The following TRPS1 variants were observed in gnomAD, a reference collection of about 807,000 sequenced individuals.
TRPS1 encodes zinc finger transcription factor Trps1.
TRPS1 carries 6 observed loss-of-function variants against 101.2 expected under a neutral mutation model. That is an observed-to-expected ratio of 0.06 (90% CI 0.03 to 0.12). The LOEUF (loss-of-function observed/expected upper bound fraction) is 0.12, where lower values mean the gene tolerates loss of function less well. Ranked by LOEUF, TRPS1 falls within the 10% of genes least tolerant of loss-of-function variation. TRPS1 has a pLI of 1.00. For synonymous variants in TRPS1, 578 were observed against 589.8 expected (o/e 0.98, Z 0.29); for missense variants, 1,363 against 1,567.0 (o/e 0.87, Z 2.20).
intron 4 of TRPS1, among the ~76,000 whole-genome samples, chr8:115,597,441 T>C (rs1817812316): frequency 6.6e-6 from 1 of 152,052 alleles, no homozygotes; most frequent in Admixed American, 6.6e-5. Flanking sequence ...AGATGTTCTA[T>C]GAGATACTGT....
At chr8:115,625,176 T>C (rs1306999450) in intron 1 of TRPS1, among the ~76,000 whole-genome samples, 1 of 151,892 alleles carries the variant, frequency 6.6e-6, no homozygotes, top group Non-Finnish European at 1.5e-5. Flanking sequence ...AATTCTATAT[T>C]CTTTGTAGTA....
At position 115,599,371 on chromosome 8, in the gene TRPS1, G is replaced by A. The variant is rs140723065; in HGVS notation, c.2096+4502C>T. Among the ~76,000 whole-genome samples, 513 of 151,950 alleles carry A rather than the reference G, an allele frequency of 3.4e-3. 8 individuals are homozygous for A. The highest frequency in any genetic ancestry group is 0.012 in the African/African-American group (494 of 41,412). On this transcript the variant is annotated intron_variant, in intron 4 of 6. Transcript: ENST00000395715. ...AAGTTTTGGGGTACATGTGCAGACC[G>A]TGCAGGTTTGTTACACAGGTATACA... is the stretch of plus-strand genomic sequence containing the variant.
At chr8:115,467,869 T>C (rs1157331779) in intron 5 of TRPS1, among the ~76,000 whole-genome samples, 1 of 152,126 alleles carries the variant, frequency 6.6e-6, no homozygotes, top group Non-Finnish European at 1.5e-5. Context: ...CTGAGCTTCT[T>C]CCTATGACTG....
At chr8:115,631,827 C>T (rs1818652616) in intron 1 of TRPS1, among the ~76,000 whole-genome samples, 1 of 151,964 alleles carries the variant, frequency 6.6e-6, no homozygotes, top group Non-Finnish European at 1.5e-5. Context: ...TCACGACATC[C>T]AAGGAATCAA....
At chr8:115,659,646 A>G (rs944684300) in intron 1 of TRPS1, among the ~76,000 whole-genome samples, 1 of 152,012 alleles carries the variant, frequency 6.6e-6, no homozygotes, top group East Asian at 1.9e-4. Context: ...AGGAACTTTT[A>G]TATGTTCAGA....
rs201029096 is a variant in TRPS1 at position 115,414,138 on chromosome 8, T to C, written c.3770A>G (p.Gln1257Arg). The change falls in exon 7 of 7, where the codon CAG becomes CGG. Residue 1257 changes from glutamine (Q) to arginine (R), a missense_variant. Physicochemically the swap from Gln to Arg is conservative, Grantham distance 43. This residue lies in a region of TRPS1 where 307 missense variants were observed against 392.4 expected (regional missense o/e 0.78). Coordinates refer to ENST00000395715, the MANE Select transcript of TRPS1 (RefSeq NM_014112.5). The surrounding 1 kb of genome is among the most constrained non-coding windows in gnomAD (Gnocchi z 4.8). ...GCAAAGATGCTGGCATATGCTGCACTGGAAAGGTCCACTGTCACCATGGCA... is the reference window on the plus strand; with the variant it reads ...GCAAAGATGCTGGCATATGCTGCACCGGAAAGGTCCACTGTCACCATGGCA... The part of the protein sequence containing the change: ...MSCHGDSGPF[Q>R]CSICQHLCTD... 1.2e-4 allele frequency: 194 copies of C among 1,613,922 alleles called. No individual in the cohort carries two copies. The highest frequency in any genetic ancestry group is 1.5e-4 in the Non-Finnish European group (174 of 1,179,936).
chr8:115,436,430 C>T (rs900735268), intron 5 of TRPS1, among the ~76,000 whole-genome samples: 20 of 152,166 alleles, frequency 1.3e-4, no homozygotes, highest in Non-Finnish European at 2.4e-4. Context: ...CCAATGTCCT[C>T]AAATAGGGTC....
intron 1 of TRPS1, chr8:115,661,773 T>C (rs1011949482): frequency 6.7e-6 from 1 of 149,870 alleles, no homozygotes; most frequent in Non-Finnish European, 1.5e-5. Flanking sequence ...TTTGGTATCA[T>C]CTTCCACAAA....
At chr8:115,585,814 C>G (rs1817549787) in intron 5 of TRPS1, among the ~76,000 whole-genome samples, 1 of 152,154 alleles carries the variant, frequency 6.6e-6, no homozygotes, top group African/African-American at 2.4e-5. Context: ...CTTCTGTATT[C>G]AAGTCCTTCT....
chr8:115,450,437 C>T (rs866786485), intron 5 of TRPS1, among the ~76,000 whole-genome samples: 3 of 151,966 alleles, frequency 2.0e-5, no homozygotes, highest in Non-Finnish European at 4.4e-5. Flanking sequence ...ATTCCATTTC[C>T]AAAAATTAGA....
At chr8:115,668,055 G>A (rs1337604247) in intron 1 of TRPS1, 2 of 665,254 alleles carry the variant, frequency 3.0e-6, no homozygotes, top group Non-Finnish European at 5.1e-6. Flanking sequence ...CTGCGAGGGG[G>A]AGGGGGCACC....
intron 1 of TRPS1, among the ~76,000 whole-genome samples, chr8:115,624,153 T>C (rs983121284): frequency 8.1e-5 from 12 of 148,352 alleles, no homozygotes; most frequent in African/African-American, 3.0e-4. Flanking sequence ...ATCACAACAA[T>C]GAACACAGTC....
At chr8:115,575,238 T>C (rs1258817682) in intron 5 of TRPS1, among the ~76,000 whole-genome samples, 2 of 152,180 alleles carry the variant, frequency 1.3e-5, no homozygotes, top group African/African-American at 4.8e-5. Context: ...ACAGTTTTTC[T>C]AGGACAACTA....
intron 5 of TRPS1, among the ~76,000 whole-genome samples, chr8:115,469,253 T>TA (rs1814403582): frequency 1.3e-5 from 2 of 152,208 alleles, no homozygotes; most frequent in African/African-American, 4.8e-5. Context: ...CACAGTTGCA[T>TA]AACAGGCTCC....
intron 1 of TRPS1, among the ~76,000 whole-genome samples, chr8:115,658,869 C>T (rs1811734904): frequency 2.0e-5 from 3 of 152,034 alleles, no homozygotes; most frequent in Non-Finnish European, 4.4e-5. Context: ...ATTGTGTACA[C>T]ATATTTACAC....
At chr8:115,432,326 T>A (rs1319800591) in intron 5 of TRPS1, among the ~76,000 whole-genome samples, 1 of 151,810 alleles carries the variant, frequency 6.6e-6, no homozygotes, top group Non-Finnish European at 1.5e-5. Flanking sequence ...GAAAGAAATG[T>A]AAGGTGGCTA....
chr8:115,543,747 T>A (rs1816508399), intron 5 of TRPS1, among the ~76,000 whole-genome samples: 1 of 152,114 alleles, frequency 6.6e-6, no homozygotes, highest in African/African-American at 2.4e-5. Context: ...AGTAAGAATC[T>A]AACTTAAATT....
At chr8:115,450,299 A>T (rs974642185) in intron 5 of TRPS1, among the ~76,000 whole-genome samples, 1 of 152,130 alleles carries the variant, frequency 6.6e-6, no homozygotes, top group African/African-American at 2.4e-5. Flanking sequence ...ATGAGATTAG[A>T]CAGTCCATAC....
chr8:115,430,189 G>C (rs1470950390), intron 5 of TRPS1, among the ~76,000 whole-genome samples: 1 of 152,088 alleles, frequency 6.6e-6, no homozygotes, highest in African/African-American at 2.4e-5. Flanking sequence ...TGTTAGTTTT[G>C]CCTCGGCTTT....
Sources: allele counts gnomAD v4.1 joint callset (sites outside exome capture counted in the v4.1 genomes callset), GRCh38; gene constraint gnomAD v4.1.1; regional missense constraint gnomAD v4.1.1; non-coding constraint Gnocchi (gnomAD v3.1); transcripts MANE v1.5; gene names NCBI Gene and HGNC (gene_info 2026-07-23, HGNC 2026-07-21).